The following MGAT4C variants were observed in gnomAD, a reference collection of about 807,000 sequenced individuals.
The protein encoded by MGAT4C is alpha-1,3-mannosyl-glycoprotein 4-beta-N-acetylglucosaminyltransferase C.
MGAT4C carries 19 observed loss-of-function variants against 40.1 expected under a neutral mutation model. The observed-to-expected ratio is 0.47, with a 90% CI of 0.33 to 0.70. The LOEUF (loss-of-function observed/expected upper bound fraction) is 0.70, where lower values mean the gene tolerates loss of function less well. MGAT4C is among the 30% of genes least tolerant of loss of function. MGAT4C has a pLI of 0.02. For synonymous variants in MGAT4C, 181 were observed against 187.1 expected (o/e 0.97, Z 0.27); for missense variants, 491 against 563.2 (o/e 0.87, Z 1.30).
At chr12:86,502,676 C>T (rs558487602) in intron 2 of MGAT4C, among the ~76,000 whole-genome samples, 3 of 145,236 alleles carry the variant, frequency 2.1e-5, no homozygotes, top group Non-Finnish European at 3.1e-5. Context: ...TATATATACA[C>T]GAGTTCTGCT....
chr12:86,551,746 A>G (rs1959374209), intron 2 of MGAT4C, among the ~76,000 whole-genome samples: 1 of 152,202 alleles, frequency 6.6e-6, no homozygotes. Flanking sequence ...CAGCCTAATA[A>G]GGCAACACCA....
intron 1 of MGAT4C, among the ~76,000 whole-genome samples, chr12:86,128,486 T>C (rs1202020663): frequency 6.6e-6 from 1 of 152,114 alleles, no homozygotes; most frequent in Non-Finnish European, 1.5e-5. Flanking sequence ...GCCTTTCACC[T>C]CCTGCCATGA....
At chr12:86,131,311 T>C (rs916230912) in intron 1 of MGAT4C, among the ~76,000 whole-genome samples, 43 of 152,134 alleles carry the variant, frequency 2.8e-4, no homozygotes, top group Non-Finnish European at 5.6e-4. Flanking sequence ...AATTCATTTC[T>C]GATCCAGGCA....
chr12:86,773,118 A>T lies in MGAT4C; in HGVS notation c.-261-45877T>A, dbSNP rs150495164. On this transcript the variant is annotated intron_variant, in intron 1 of 7. Transcript: ENST00000548651. ...CAGGCTTAATCCCTAGTACCACAGAATGTGACTATATTTGATGGTCACTTT... is the reference window on the plus strand; with the variant it reads ...CAGGCTTAATCCCTAGTACCACAGATTGTGACTATATTTGATGGTCACTTT... Among the ~76,000 whole-genome samples, 1,306 of 152,304 alleles carry T rather than the reference A, an allele frequency of 8.6e-3. 8 individuals are homozygous for T. The highest frequency in any genetic ancestry group is 0.017 in the Middle Eastern group (5 of 294).
At chr12:86,211,367 C>A (rs1440701294) in intron 1 of MGAT4C, among the ~76,000 whole-genome samples, 3 of 131,672 alleles carry the variant, frequency 2.3e-5, no homozygotes, top group Non-Finnish European at 4.6e-5. Context: ...TCAAGACCAT[C>A]CTGGCTAACA....
intron 2 of MGAT4C, among the ~76,000 whole-genome samples, chr12:86,710,349 G>T (rs1332907371): frequency 1.3e-5 from 2 of 152,140 alleles, no homozygotes; most frequent in Non-Finnish European, 1.5e-5. Flanking sequence ...CATTGTCTCT[G>T]GTTCCACTTC....
rs372032758 is a variant in MGAT4C at position 86,213,719 on chromosome 12, A to G, written c.-57+42520T>C. 2.0e-5 allele frequency among the ~76,000 whole-genome samples: 3 copies of G among 152,358 alleles called. No homozygotes were observed. In the East Asian group the frequency reaches 5.8e-4, roughly 29 times the overall value. ...TTTACATATTCTATACACATATTGG[A>G]CTGCATAGCATATGCTAACAAAGAT... On this transcript the variant is annotated intron_variant, in intron 1 of 4. Coordinates refer to ENST00000611864, the MANE Select transcript of MGAT4C (RefSeq NM_001351288.2).
intron 3 of MGAT4C, among the ~76,000 whole-genome samples, chr12:86,386,087 C>T (rs191394799): frequency 2.8e-4 from 43 of 152,208 alleles, no homozygotes; most frequent in African/African-American, 8.9e-4. Context: ...CCCACCACCA[C>T]GTCTGGCTAA....
intron 2 of MGAT4C, among the ~76,000 whole-genome samples, chr12:86,595,589 C>T (rs1305824950): frequency 6.6e-6 from 1 of 151,460 alleles, no homozygotes; most frequent in Admixed American, 6.6e-5. Context: ...TATCATCATT[C>T]TTTGACCAAA....
At chr12:86,278,420 C>T (rs550823604) in intron 4 of MGAT4C, among the ~76,000 whole-genome samples, 1 of 152,128 alleles carries the variant, frequency 6.6e-6, no homozygotes, top group South Asian at 2.1e-4. Context: ...CTCAGGTGAT[C>T]CACCCACCTC....
chr12:86,793,355 G>T (rs1376815383), intron 1 of MGAT4C, among the ~76,000 whole-genome samples: 1 of 151,938 alleles, frequency 6.6e-6, no homozygotes, highest in Non-Finnish European at 1.5e-5. Context: ...ATGCTCACTT[G>T]GTCTGACCTC....
At chr12:86,220,055 G>A (rs1020929038) in intron 1 of MGAT4C, among the ~76,000 whole-genome samples, 8 of 152,140 alleles carry the variant, frequency 5.3e-5, no homozygotes, top group African/African-American at 1.4e-4. Flanking sequence ...AAAAGGGACT[G>A]TAGCAAGTTC....
At chr12:86,766,527 A>T (rs1951511359) in intron 1 of MGAT4C, among the ~76,000 whole-genome samples, 1 of 152,064 alleles carries the variant, frequency 6.6e-6, no homozygotes. Flanking sequence ...CCTAATAGAC[A>T]TCTACAGAAC....
At position 85,977,083 on chromosome 12, in the gene MGAT4C, C is replaced by T. The variant is rs976436094; in HGVS notation, c.*2206G>A. On this transcript the variant is annotated 3_prime_UTR_variant, in exon 5 of 5. Coordinates refer to ENST00000611864, the MANE Select transcript of MGAT4C (RefSeq NM_001351288.2). ...AATGTGAAATGACCTCTCTGAGTCA[C>T]ATTTGTTTTCATAATTTCCTAGCAA... 1 of 151,264 alleles carries T rather than the reference C, an allele frequency of 6.6e-6. No individual in the cohort carries two copies. The highest frequency in any genetic ancestry group is 1.5e-5 in the Non-Finnish European group (1 of 67,384). 9.4% of individuals were successfully genotyped at this position (151,264 alleles called of 1,614,324 possible). A position where few individuals can be genotyped will look rare whatever the true frequency, so the allele number is the denominator to read the frequency against.
intron 2 of MGAT4C, among the ~76,000 whole-genome samples, chr12:86,651,613 CCCA>C (rs1387096728): frequency 6.6e-6 from 1 of 151,774 alleles, no homozygotes; most frequent in Non-Finnish European, 1.5e-5. Context: ...ACTTTTCTTC[CCCA>C]CAAGATGCCT....
intron 3 of MGAT4C, among the ~76,000 whole-genome samples, chr12:86,344,059 T>G (rs1383811713): frequency 1.3e-5 from 2 of 152,262 alleles, no homozygotes; most frequent in South Asian, 2.1e-4. Context: ...CAGAATAAAT[T>G]GCCAGAATAA....
intron 1 of MGAT4C, among the ~76,000 whole-genome samples, chr12:86,069,501 T>C (rs1487028761): frequency 6.6e-6 from 1 of 152,208 alleles, no homozygotes; most frequent in Non-Finnish European, 1.5e-5. Flanking sequence ...AATCTTAATA[T>C]TCTATGTATG....
intron 1 of MGAT4C, among the ~76,000 whole-genome samples, chr12:86,171,456 A>T (rs1820160256): frequency 6.6e-6 from 1 of 152,178 alleles, no homozygotes; most frequent in Non-Finnish European, 1.5e-5. Flanking sequence ...ATCACTGAAA[A>T]TTTGCATAGC....
chr12:86,102,966 G>T (rs1875388224), intron 1 of MGAT4C, among the ~76,000 whole-genome samples: 1 of 151,982 alleles, frequency 6.6e-6, no homozygotes. Flanking sequence ...TGGCAAAAAG[G>T]GCAAATATAA....
Sources: allele counts gnomAD v4.1 joint callset (sites outside exome capture counted in the v4.1 genomes callset), GRCh38; gene constraint gnomAD v4.1.1; transcripts MANE v1.5; gene names NCBI Gene and HGNC (gene_info 2026-07-23, HGNC 2026-07-21).